STS: variants seen among roughly 807,000 people sequenced by gnomAD.
STS encodes the protein steroid sulfatase.
Under a neutral mutation model 26.8 loss-of-function variants are expected in STS, and 7 were observed. The ratio of observed to expected loss-of-function variants is 0.26; its 90% CI spans 0.15 to 0.49. The LOEUF is 0.49. Among genes scored for constraint, STS ranks in the 20% least tolerant of loss-of-function variants. STS has a pLI of 0.98. For synonymous variants in STS, 199 were observed against 189.4 expected, an observed-to-expected ratio of 1.05 and a Z score of -0.42; for missense variants, 434 against 465.6, an observed-to-expected ratio of 0.93 and a Z score of 0.63.
At chrX:7,227,974 C>G (rs185140489) in intron 2 of STS, among the ~76,000 whole-genome samples, 2 of 112,070 alleles carry the variant, frequency 1.8e-5, no homozygotes, top group Non-Finnish European at 3.8e-5. Context: ...CAGAATTTGT[C>G]TTTCTGTACC....
intron 2 of STS, among the ~76,000 whole-genome samples, chrX:7,237,057 T>C (rs751118496): frequency 3.6e-5 from 4 of 110,095 alleles, no homozygotes; most frequent in Non-Finnish European, 7.6e-5. Context: ...TAGAGGGAGA[T>C]CCTTTTATTT....
intron 8 of STS, among the ~76,000 whole-genome samples, chrX:7,323,905 C>G (rs1601745111): frequency 9.0e-6 from 1 of 110,717 alleles, no homozygotes. Context: ...TCCAGCCTCT[C>G]TCTGTGATTA....
intron 2 of STS, among the ~76,000 whole-genome samples, chrX:7,194,953 A>G (rs1316352953): frequency 3.6e-5 from 4 of 111,653 alleles, no homozygotes; most frequent in Non-Finnish European, 7.5e-5. Context: ...AAGTGACCGT[A>G]CTGAATACTG....
intron 8 of STS, among the ~76,000 whole-genome samples, chrX:7,305,518 G>A (rs986969362): frequency 8.9e-6 from 1 of 112,000 alleles, no homozygotes; most frequent in African/African-American, 3.2e-5. Context: ...ACAAACTTAT[G>A]GGCTTAAAAC....
At chrX:7,260,769 T>C (rs1255530503) in intron 6 of STS, among the ~76,000 whole-genome samples, 1 of 112,071 alleles carries the variant, frequency 8.9e-6, no homozygotes, top group African/African-American at 3.2e-5. Flanking sequence ...GGCTTATGTT[T>C]AGTTTATAGG....
chrX:7,344,387 T>C (rs1928428869), intron 10 of STS, among the ~76,000 whole-genome samples: 1 of 111,374 alleles, frequency 9.0e-6, no homozygotes, highest in African/African-American at 3.3e-5. Flanking sequence ...GACCACAAAA[T>C]GTGTCTTCCG....
chrX:7,260,400 G>T (rs1315361961), intron 6 of STS, among the ~76,000 whole-genome samples: 3 of 111,147 alleles, frequency 2.7e-5, no homozygotes, highest in South Asian at 4.0e-4. Context: ...TATCCCACTG[G>T]TTTTTTGTTT....
intron 1 of STS, among the ~76,000 whole-genome samples, chrX:7,190,545 C>G (rs908812313): frequency 1.8e-5 from 2 of 110,871 alleles, no homozygotes; most frequent in African/African-American, 6.6e-5. Context: ...AACACTTTGT[C>G]AGGCTGAGGC....
At chrX:7,238,390 C>T (rs1249603210) in intron 2 of STS, among the ~76,000 whole-genome samples, 2 of 110,565 alleles carry the variant, frequency 1.8e-5, no homozygotes, top group Non-Finnish European at 3.8e-5. Context: ...AAACAGGGAC[C>T]TGCAAAGACT....
intron 7 of STS, among the ~76,000 whole-genome samples, chrX:7,291,858 CTT>C (rs1344600778): frequency 8.9e-6 from 1 of 111,734 alleles, no homozygotes; most frequent in Non-Finnish European, 1.9e-5. Context: ...CATTTTAAGT[CTT>C]TTAACTTTAA....
intron 2 of STS, among the ~76,000 whole-genome samples, chrX:7,231,304 G>C (rs1445535973): frequency 8.9e-6 from 1 of 112,131 alleles, no homozygotes; most frequent in Non-Finnish European, 1.9e-5. Flanking sequence ...TTAAATTGAT[G>C]TACTAAATGC....
intron 5 of STS, 24 bp from the exon 6 acceptor site, chrX:7,259,325 G>A: frequency 8.3e-7 from 1 of 1,202,768 alleles, no homozygotes; most frequent in South Asian, 1.8e-5. Flanking sequence ...TGGGACTGAA[G>A]TGATCCCCCA....
At chrX:7,334,176 A>G in intron 10 of STS, 69 bp downstream of exon 10, 1 of 1,194,814 alleles carries the variant, frequency 8.4e-7, no homozygotes, top group Non-Finnish European at 1.1e-6. Context: ...AGATAAAACT[A>G]AAGGGTAAAA....
At chrX:7,148,259 C>A (rs2031212897) in intron 1 of STS, 176 bp downstream of exon 1, 2 of 317,104 alleles carry the variant, frequency 6.3e-6, no homozygotes, top group East Asian at 5.6e-5. Flanking sequence ...GCTCCGAGCC[C>A]GCGCGTCCTG....
intron 7 of STS, among the ~76,000 whole-genome samples, chrX:7,297,257 C>CTTTTT (rs759598036): frequency 1.1e-5 from 1 of 92,261 alleles, no homozygotes; most frequent in Non-Finnish European, 2.2e-5. Context: ...TATGTAAGAG[C>CTTTTT]TTTTTTTTTT....
chrX:7,352,236 A>C lies in STS; in HGVS notation c.*1975A>C, dbSNP rs1397865450. 1 of 112,549 alleles carries C rather than the reference A, an allele frequency of 8.9e-6. No homozygotes were observed. The highest frequency in any genetic ancestry group is 1.9e-5 in the Non-Finnish European group (1 of 53,336). 9.3% of individuals were successfully genotyped at this position (112,549 alleles called of 1,213,427 possible). A position where few individuals can be genotyped will look rare whatever the true frequency, so the allele number is the denominator to read the frequency against. Reference sequence around the variant, plus strand: ...AAAGTCTAACATATTCAATGCAAGTAAGACTTTCTGAAAACACTTGATGAT... The same window carrying C: ...AAAGTCTAACATATTCAATGCAAGTCAGACTTTCTGAAAACACTTGATGAT... On this transcript the variant is annotated 3_prime_UTR_variant, in exon 11 of 11. Coordinates refer to ENST00000674429, the MANE Select transcript of STS (RefSeq NM_001320752.2).
intron 1 of STS, among the ~76,000 whole-genome samples, chrX:7,166,477 G>A (rs1368526634): frequency 9.0e-6 from 1 of 111,620 alleles, no homozygotes; most frequent in East Asian, 2.8e-4. Flanking sequence ...GATGACTGAA[G>A]TATGGGGATA....
At chrX:7,282,692 A>G (rs1924929928) in intron 7 of STS, among the ~76,000 whole-genome samples, 1 of 112,197 alleles carries the variant, frequency 8.9e-6, no homozygotes, top group Non-Finnish European at 1.9e-5. Flanking sequence ...TTGTGGTAAA[A>G]TATTTTGATT....
intron 10 of STS, among the ~76,000 whole-genome samples, chrX:7,343,725 G>A (rs190324345): frequency 5.2e-4 from 58 of 111,728 alleles, no homozygotes; most frequent in African/African-American, 1.8e-3. Flanking sequence ...TAGCTAGTGC[G>A]TTCTCTCTCT....
Sources: allele counts gnomAD v4.1 joint callset (sites outside exome capture counted in the v4.1 genomes callset), GRCh38; gene constraint gnomAD v4.1.1; transcripts MANE v1.5; gene names NCBI Gene and HGNC (gene_info 2026-07-23, HGNC 2026-07-21).